The following PVT1 variants were observed in gnomAD, a reference collection of about 807,000 sequenced individuals.
PVT1 encodes Pvt1 oncogene.
At chr8:128,047,119 T>A (rs917417238) in intron 4 of PVT1, among the ~76,000 whole-genome samples, 3 of 152,242 alleles carry the variant, frequency 2.0e-5, no homozygotes, top group African/African-American at 7.2e-5. Context: ...TACTTTGGGC[T>A]CCCAAGTGTG....
At chr8:127,829,583 C>T (rs987528038) in intron 2 of PVT1, among the ~76,000 whole-genome samples, 6 of 152,182 alleles carry the variant, frequency 3.9e-5, no homozygotes, top group East Asian at 1.9e-4. Context: ...GTAAAGAAAG[C>T]GCTTTCTGAA....
At chr8:127,839,172 C>G (rs1047150011) in intron 2 of PVT1, among the ~76,000 whole-genome samples, 1 of 152,180 alleles carries the variant, frequency 6.6e-6, no homozygotes, top group Non-Finnish European at 1.5e-5. Flanking sequence ...CAACGTGTGA[C>G]TGTCCTATTA....
At chr8:127,857,171 A>C (rs1815171063) in intron 2 of PVT1, among the ~76,000 whole-genome samples, 1 of 152,086 alleles carries the variant, frequency 6.6e-6, no homozygotes, top group Non-Finnish European at 1.5e-5. Flanking sequence ...AGTTGCAGTG[A>C]GCCAACATTG....
intron 2 of PVT1, among the ~76,000 whole-genome samples, chr8:127,873,531 A>G (rs1418250838): frequency 3.3e-5 from 5 of 152,232 alleles, no homozygotes; most frequent in African/African-American, 9.6e-5. Flanking sequence ...TTTTTTGTGT[A>G]GGAGGGACCC....
At chr8:127,904,571 C>T (rs757128238) in intron 3 of PVT1, among the ~76,000 whole-genome samples, 6 of 152,302 alleles carry the variant, frequency 3.9e-5, no homozygotes, top group Admixed American at 1.3e-4. Flanking sequence ...GTAGCCAATA[C>T]CTGGGAAAAT....
chr8:127,797,894 G>A (rs1222268615), intron 2 of PVT1, among the ~76,000 whole-genome samples: 4 of 152,174 alleles, frequency 2.6e-5, no homozygotes, highest in Non-Finnish European at 5.9e-5. Flanking sequence ...GCCCAGAGAG[G>A]TTAAAAATAT....
intron 3 of PVT1, among the ~76,000 whole-genome samples, chr8:127,891,545 T>C (rs902950916): frequency 4.6e-5 from 7 of 152,212 alleles, no homozygotes; most frequent in Non-Finnish European, 4.4e-5. Flanking sequence ...GACTGATGGA[T>C]TCCTTTCCCT....
chr8:127,833,214 T>G (rs905739637), intron 2 of PVT1, among the ~76,000 whole-genome samples: 1 of 152,154 alleles, frequency 6.6e-6, no homozygotes, highest in African/African-American at 2.4e-5. Context: ...TCGGTGAGAT[T>G]CCCTAGGTAG....
chr8:128,043,446 C>CA (rs1813569876), intron 4 of PVT1, among the ~76,000 whole-genome samples: 1 of 152,036 alleles, frequency 6.6e-6, no homozygotes, highest in African/African-American at 2.4e-5. Context: ...ACTAAGAGAA[C>CA]AAAATCAGAC....
At chr8:127,906,686 G>A (rs1815826451) in intron 3 of PVT1, among the ~76,000 whole-genome samples, 1 of 152,074 alleles carries the variant, frequency 6.6e-6, no homozygotes, top group South Asian at 2.1e-4. Flanking sequence ...CTTGAGTCTT[G>A]TTTCCATGCG....
chr8:127,954,977 G>A (rs537137535), intron 3 of PVT1, among the ~76,000 whole-genome samples: 3 of 152,266 alleles, frequency 2.0e-5, no homozygotes, highest in South Asian at 4.1e-4. Context: ...TTTTAGAAAC[G>A]CAATACAGTA....
At position 127,891,237 on chromosome 8, in the gene PVT1, C is replaced by A. The variant is rs142097030; in HGVS notation, n.782+239C>A. ...TTTACGTATCTGTCACCATCTACCT[C>A]CCTATAAAGTGCCTCTGCTGTTGGT... On this transcript the variant is annotated intron_variant and non_coding_transcript_variant, in intron 3 of 10. Coordinates refer to ENST00000651587, the Ensembl canonical transcript of PVT1. Among the ~76,000 whole-genome samples, 469 of 152,332 alleles carry A rather than the reference C, an allele frequency of 3.1e-3. 2 individuals are homozygous for A. Among genetic ancestry groups the A allele is most frequent in the African/African-American group, 9.8e-3 (409 of 41,572 alleles).
At chr8:127,906,249 C>A (rs1815818018) in intron 3 of PVT1, among the ~76,000 whole-genome samples, 1 of 152,142 alleles carries the variant, frequency 6.6e-6, no homozygotes, top group Non-Finnish European at 1.5e-5. Flanking sequence ...TTGCTGATAA[C>A]CTAAGGGAAC....
At chr8:128,098,564 G>C (rs1439470735) in intron 6 of PVT1, among the ~76,000 whole-genome samples, 3 of 152,210 alleles carry the variant, frequency 2.0e-5, no homozygotes, top group African/African-American at 7.2e-5. Context: ...CTGGTTGTGT[G>C]ACCTTGCACA....
intron 4 of PVT1, among the ~76,000 whole-genome samples, chr8:128,013,780 C>G (rs944423446): frequency 2.6e-5 from 4 of 152,176 alleles, no homozygotes; most frequent in Non-Finnish European, 5.9e-5. Flanking sequence ...ATCTCTCTAT[C>G]CCTCAACAGT....
intron 2 of PVT1, among the ~76,000 whole-genome samples, chr8:127,876,827 T>G (rs1414439460): frequency 6.6e-6 from 1 of 152,188 alleles, no homozygotes; most frequent in Non-Finnish European, 1.5e-5. Context: ...CTGTCATCGC[T>G]TTCATTTGCC....
chr8:128,026,289 A>G (rs1268858739), intron 4 of PVT1, among the ~76,000 whole-genome samples: 1 of 151,568 alleles, frequency 6.6e-6, no homozygotes, highest in East Asian at 1.9e-4. Context: ...GTGGACATTT[A>G]AGAAGACTTT....
At chr8:127,835,710 C>A (rs1000976497) in intron 2 of PVT1, among the ~76,000 whole-genome samples, 4 of 152,114 alleles carry the variant, frequency 2.6e-5, no homozygotes, top group Non-Finnish European at 4.4e-5. Flanking sequence ...TCCTGTTGAT[C>A]GAGTGAATGA....
intron 3 of PVT1, among the ~76,000 whole-genome samples, chr8:127,919,958 C>T (rs933607183): frequency 3.3e-5 from 5 of 152,248 alleles, no homozygotes; most frequent in Middle Eastern, 6.8e-3. Context: ...CATCTATAGG[C>T]GGAGTTAAAT....
Sources: gnomAD v4.1 joint callset for allele counts (sites outside exome capture counted in the v4.1 genomes callset) on GRCh38, gnomAD v4.1.1 for gene constraint, MANE v1.5 for transcripts, NCBI Gene and HGNC (gene_info 2026-07-23, HGNC 2026-07-21) for gene names.